BCAS3: variants seen among roughly 807,000 people sequenced by gnomAD.
The protein encoded by BCAS3 is BCAS4/BCAS3 fusion.
A neutral mutation model predicts 116.1 loss-of-function variants in BCAS3; 53 were observed. The ratio of observed to expected loss-of-function variants is 0.46; its 90% CI spans 0.37 to 0.57. The LOEUF (loss-of-function observed/expected upper bound fraction) is 0.57. BCAS3 is among the 20% of genes least tolerant of loss of function. The probability of loss-of-function intolerance (pLI) is 0.00; values close to 1 mark genes in which losing one functional copy is unlikely to be tolerated. For synonymous variants in BCAS3, 391 were observed against 408.2 expected (o/e 0.96, Z 0.51); for missense variants, 917 against 1,165.4 (o/e 0.79, Z 3.10).
intron 10 of BCAS3, among the ~76,000 whole-genome samples, chr17:60,894,969 C>G (rs2057411567): frequency 6.6e-6 from 1 of 152,010 alleles, no homozygotes; most frequent in Admixed American, 6.6e-5. Context: ...GATTTTCTAG[C>G]ATTTTCTTGA....
At chr17:61,304,414 G>A (rs2053674550) in intron 22 of BCAS3, among the ~76,000 whole-genome samples, 1 of 152,212 alleles carries the variant, frequency 6.6e-6, no homozygotes, top group Non-Finnish European at 1.5e-5. Flanking sequence ...TGAGTTTTAT[G>A]TTCCAGTGCC....
intron 19 of BCAS3, among the ~76,000 whole-genome samples, chr17:61,064,326 A>G (rs1357970151): frequency 1.3e-5 from 2 of 152,074 alleles, no homozygotes; most frequent in East Asian, 1.9e-4. Context: ...AAAAAAAAGT[A>G]TACTTGGACT....
chr17:60,820,073 C>CT (rs374234519), intron 7 of BCAS3, among the ~76,000 whole-genome samples: 140 of 145,524 alleles, frequency 9.6e-4, no homozygotes, highest in East Asian at 2.4e-3. Flanking sequence ...ATCTTTTTTT[C>CT]TTTTTTTTTT....
Position 61,391,543 on chromosome 17 carries a change from T to A in BCAS3, c.2594-434T>A, listed in dbSNP as rs2060129985. On this transcript the variant is annotated intron_variant, in intron 23 of 23. Transcript: ENST00000407086. The surrounding 1 kb of genome is among the most constrained non-coding windows in gnomAD (Gnocchi z 7.7). ...GAGGTGGGGACAGATCAGGCAGGGA[T>A]GCTGCAAGCCCTCCCGTGTCCTAGC... 6.0e-6 allele frequency: 1 copy of A among 166,682 alleles called. No individual in the cohort carries two copies. Among genetic ancestry groups the A allele is most frequent in the Non-Finnish European group, 1.3e-5 (1 of 78,018 alleles). 10.3% of individuals were successfully genotyped at this position (166,682 alleles called of 1,614,324 possible).
chr17:60,797,390 G>C (rs945644519), intron 6 of BCAS3, among the ~76,000 whole-genome samples: 1 of 150,406 alleles, frequency 6.6e-6, no homozygotes, highest in Non-Finnish European at 1.5e-5. Flanking sequence ...TTATTTTTTT[G>C]TGGGGTGGGA....
chr17:60,789,404 C>A (rs1010882830), intron 6 of BCAS3, among the ~76,000 whole-genome samples: 1 of 151,968 alleles, frequency 6.6e-6, no homozygotes, highest in African/African-American at 2.4e-5. Flanking sequence ...AATTTTGTTG[C>A]GTGGGAGAGG....
intron 22 of BCAS3, among the ~76,000 whole-genome samples, chr17:61,160,022 G>T (rs55811444): frequency 6.9e-6 from 1 of 144,744 alleles, no homozygotes; most frequent in African/African-American, 2.6e-5. Flanking sequence ...TGACAGTCTC[G>T]CTGGTATCTT....
rs1327065004 is a variant in BCAS3 at position 61,128,408 on chromosome 17, A to C, written c.2425+43844A>C. On this transcript the variant is annotated intron_variant, in intron 22 of 23. Transcript: ENST00000407086. This position sits in a 1 kb window ranked among gnomAD's most constrained non-coding sequence, Gnocchi z 4.1. Reference sequence around the variant, plus strand: ...AAAGGTGGGACACCAGTAGATATACATTCAGACAAATCACCCTGCAGTTAT... The same window carrying C: ...AAAGGTGGGACACCAGTAGATATACCTTCAGACAAATCACCCTGCAGTTAT... 1.0e-6 allele frequency: 1 copy of C among 985,444 alleles called. No homozygotes were observed. The highest frequency in any genetic ancestry group is 1.7e-5 in the African/African-American group (1 of 57,370). The allele number at this position is 985,444 out of a possible 1,614,324, so 61.0% of individuals were successfully genotyped here.
At chr17:60,882,578 T>G (rs566367877) in intron 9 of BCAS3, among the ~76,000 whole-genome samples, 2 of 152,314 alleles carry the variant, frequency 1.3e-5, no homozygotes, top group South Asian at 4.1e-4. Context: ...GTTTTAGGTC[T>G]AATGTTTAAA....
rs893789456 is a variant in BCAS3 at position 61,200,436 on chromosome 17, T to C, written c.2425+115872T>C. On this transcript the variant is annotated intron_variant, in intron 22 of 23. Transcript: ENST00000407086. This position sits in a 1 kb window ranked among gnomAD's most constrained non-coding sequence, Gnocchi z 5.1. Reference sequence around the variant, plus strand: ...CCATAGCAACTTGGTAAAGGAGAGATTATTATTCTTATTTCATAATAAAGG... The same window carrying C: ...CCATAGCAACTTGGTAAAGGAGAGACTATTATTCTTATTTCATAATAAAGG... 6.6e-6 allele frequency among the ~76,000 whole-genome samples: 1 copy of C among 152,176 alleles called. No homozygotes were observed. The highest frequency in any genetic ancestry group is 6.5e-5 in the Admixed American group (1 of 15,276).
At chr17:60,937,761 T>C (rs770936392) in intron 13 of BCAS3, among the ~76,000 whole-genome samples, 1 of 152,180 alleles carries the variant, frequency 6.6e-6, no homozygotes, top group Non-Finnish European at 1.5e-5. Context: ...TACTATCCCT[T>C]CTGTCTACCA....
chr17:61,124,338 A>G lies in BCAS3; in HGVS notation c.2425+39774A>G, dbSNP rs1233432166. 6.6e-6 allele frequency among the ~76,000 whole-genome samples: 1 copy of G among 152,158 alleles called. No individual in the cohort carries two copies. Among genetic ancestry groups the G allele is most frequent in the Non-Finnish European group, 1.5e-5 (1 of 68,026 alleles). ...TCTTTTCCTGGTATCTCGAGCCACC[A>G]AGATATAGCTTTTACTTGATCTGAA... On this transcript the variant is annotated intron_variant, in intron 22 of 23. Transcript: ENST00000407086. The surrounding 1 kb of genome is among the most constrained non-coding windows in gnomAD (Gnocchi z 4.6).
At chr17:60,741,497 TC>T (rs1390840558) in intron 5 of BCAS3, among the ~76,000 whole-genome samples, 1 of 152,218 alleles carries the variant, frequency 6.6e-6, no homozygotes, top group Non-Finnish European at 1.5e-5. Context: ...CTCATTAATA[TC>T]CTGTACTATC....
chr17:61,237,617 C>A (rs2083169723), intron 22 of BCAS3, among the ~76,000 whole-genome samples: 1 of 152,110 alleles, frequency 6.6e-6, no homozygotes, highest in Non-Finnish European at 1.5e-5. Flanking sequence ...TCAGCAAGAC[C>A]CTGAATCCAC....
intron 15 of BCAS3, among the ~76,000 whole-genome samples, chr17:61,014,715 A>C (rs79929685): frequency 6.6e-6 from 1 of 151,990 alleles, no homozygotes; most frequent in Non-Finnish European, 1.5e-5. Context: ...TGAGGATGAC[A>C]TAATTATGTA....
chr17:60,744,829 C>T (rs1482355418), intron 5 of BCAS3, among the ~76,000 whole-genome samples: 3 of 151,886 alleles, frequency 2.0e-5, no homozygotes, highest in Non-Finnish European at 4.4e-5. Flanking sequence ...CACCCATTGC[C>T]TTATGTGTAA....
In BCAS3 at chr17:61,104,551, A is replaced by T. The variant is rs1260474713; in HGVS notation, c.2425+19987A>T. ...GCCTTTCAGATCTGCACTTCATCTC[A>T]TACTTCATCATTTATTGGATCAAAT... On this transcript the variant is annotated intron_variant, in intron 22 of 23. Coordinates refer to ENST00000407086, the MANE Select transcript of BCAS3 (RefSeq NM_017679.5). The surrounding 1 kb of genome is among the most constrained non-coding windows in gnomAD (Gnocchi z 4.1). Among the ~76,000 whole-genome samples, 1 of 152,114 alleles carries T rather than the reference A, an allele frequency of 6.6e-6. No homozygotes were observed. Among genetic ancestry groups the T allele is most frequent in the Non-Finnish European group, 1.5e-5 (1 of 68,018 alleles).
intron 22 of BCAS3, among the ~76,000 whole-genome samples, chr17:61,358,968 G>C (rs918330674): frequency 6.6e-6 from 1 of 152,132 alleles, no homozygotes; most frequent in African/African-American, 2.4e-5. Context: ...GATGTGGGGA[G>C]ATCAGAGCTA....
rs565752401 is a variant in BCAS3, at chr17:61,296,829, G to A, written c.2426-71498G>A. On this transcript the variant is annotated intron_variant, in intron 22 of 23. Coordinates refer to ENST00000407086, the MANE Select transcript of BCAS3 (RefSeq NM_017679.5). ...GGAGACAGAGCACAAACAAGGAGCTGTGTTTAGTTCAGGATGGCCAGGACA... is the reference window on the plus strand; with the variant it reads ...GGAGACAGAGCACAAACAAGGAGCTATGTTTAGTTCAGGATGGCCAGGACA... 3.3e-5 allele frequency among the ~76,000 whole-genome samples: 5 copies of A among 152,352 alleles called. No individual in the cohort carries two copies. In the South Asian group the frequency reaches 1.0e-3, roughly 32 times the overall value.
Sources: gnomAD v4.1 joint callset for allele counts (sites outside exome capture counted in the v4.1 genomes callset) on GRCh38, gnomAD v4.1.1 for gene constraint, Gnocchi (gnomAD v3.1) non-coding constraint, MANE v1.5 for transcripts, NCBI Gene and HGNC (gene_info 2026-07-23, HGNC 2026-07-21) for gene names.